Variants in FOXJ3 observed in about 807,000 individuals in gnomAD.
FOXJ3 encodes the protein forkhead box J3.
Under a neutral mutation model 76.1 loss-of-function variants are expected in FOXJ3, and 22 were observed. The ratio of observed to expected loss-of-function variants is 0.29; its 90% confidence interval spans 0.21 to 0.41. The LOEUF is 0.41. Ranked by LOEUF, FOXJ3 falls within the 10% of genes least tolerant of loss-of-function variation. The pLI is 1.00. For missense variants in FOXJ3, 613 were observed against 762.1 expected (o/e 0.80, Z 2.30); for synonymous variants, 269 against 261.2 (o/e 1.03, Z -0.29).
At chr1:42,261,204 T>TAA (rs893191666) in intron 4 of FOXJ3, among the ~76,000 whole-genome samples, 4 of 137,010 alleles carry the variant, frequency 2.9e-5, no homozygotes, top group African/African-American at 5.4e-5. Context: ...CCAAAGAATT[T>TAA]AAAAAAAAAA....
intron 4 of FOXJ3, among the ~76,000 whole-genome samples, chr1:42,234,778 C>T (rs1648459702): frequency 2.0e-5 from 3 of 152,116 alleles, no homozygotes; most frequent in African/African-American, 7.2e-5. Flanking sequence ...CAGAGGAGTA[C>T]CTGGCCGTGT....
intron 1 of FOXJ3, among the ~76,000 whole-genome samples, chr1:42,321,470 T>C (rs1017555715): frequency 6.6e-6 from 1 of 152,114 alleles, no homozygotes; most frequent in Admixed American, 6.5e-5. Context: ...TAATTAGAGA[T>C]CCAGGTCTGG....
intron 11 of FOXJ3, among the ~76,000 whole-genome samples, chr1:42,185,593 C>T (rs1021925400): frequency 6.6e-6 from 1 of 151,996 alleles, no homozygotes; most frequent in African/African-American, 2.4e-5. Context: ...GTAAAAGCTA[C>T]TACAGGGGTC....
intron 8 of FOXJ3, among the ~76,000 whole-genome samples, chr1:42,193,260 A>T (rs1646585059): frequency 6.6e-6 from 1 of 152,126 alleles, no homozygotes; most frequent in Admixed American, 6.5e-5. Flanking sequence ...GCCTCTGAAG[A>T]GAACAATCTG....
intron 3 of FOXJ3, among the ~76,000 whole-genome samples, chr1:42,266,992 T>C (rs141452009): frequency 6.6e-6 from 1 of 151,658 alleles, no homozygotes; most frequent in East Asian, 1.9e-4. Flanking sequence ...CTGGGAGAGG[T>C]ATAGGAAACT....
At chr1:42,262,092 T>C (rs1226399757) in intron 4 of FOXJ3, among the ~76,000 whole-genome samples, 1 of 152,130 alleles carries the variant, frequency 6.6e-6, no homozygotes, top group Admixed American at 6.5e-5. Context: ...ACTCAGCTGG[T>C]GGAATATAAA....
intron 2 of FOXJ3, among the ~76,000 whole-genome samples, chr1:42,300,012 C>T (rs566476214): frequency 7.9e-5 from 12 of 151,676 alleles, no homozygotes; most frequent in African/African-American, 2.9e-4. Context: ...ACCTGCCTGG[C>T]CAATATGGTG....
intron 12 of FOXJ3, 48 bp downstream of exon 12, chr1:42,181,863 GCTCACA>G: frequency 9.1e-7 from 1 of 1,092,956 alleles, no homozygotes; most frequent in Non-Finnish European, 1.4e-6. Context: ...TTCCTGGAGT[GCTCACA>G]CACACACACA....
At chr1:42,252,516 T>G (rs1273446934) in intron 4 of FOXJ3, among the ~76,000 whole-genome samples, 1 of 152,130 alleles carries the variant, frequency 6.6e-6, no homozygotes, top group Non-Finnish European at 1.5e-5. Context: ...TCTCTCTTTT[T>G]TTCTTTATTT....
At chr1:42,250,014 C>T (rs1039045115) in intron 4 of FOXJ3, among the ~76,000 whole-genome samples, 3 of 152,016 alleles carry the variant, frequency 2.0e-5, no homozygotes, top group African/African-American at 7.3e-5. Flanking sequence ...TACAGTATAG[C>T]TTGAATATAA....
chr1:42,316,333 C>CGTTTTTTTTTTTTTTTTTTTTTT (rs1322633444), intron 1 of FOXJ3, among the ~76,000 whole-genome samples: 1 of 73,914 alleles, frequency 1.4e-5, no homozygotes, highest in African/African-American at 4.3e-5. Context: ...TGCATTGGGC[C>CGTTTTTTTTTTTTTTTTTTTTTT]TTTTTTTTTT....
chr1:42,237,101 C>T (rs888204205), intron 4 of FOXJ3, among the ~76,000 whole-genome samples: 34 of 151,630 alleles, frequency 2.2e-4, no homozygotes, highest in African/African-American at 7.0e-4. Flanking sequence ...CTGGGCCAGG[C>T]GTGGTGACTC....
intron 5 of FOXJ3, among the ~76,000 whole-genome samples, chr1:42,209,367 T>G (rs964514270): frequency 6.6e-6 from 1 of 152,218 alleles, no homozygotes; most frequent in Admixed American, 6.5e-5. Context: ...TAAAATCATG[T>G]GTAGAGATTC....
chr1:42,195,114 T>C (rs754360000), intron 7 of FOXJ3, 50 bp from the exon 8 acceptor site: 12 of 1,365,076 alleles, frequency 8.8e-6, no homozygotes, highest in Admixed American at 2.3e-5. Flanking sequence ...CTAATTACAA[T>C]TGGCTTGTTA....
chr1:42,242,873 A>G (rs1294407275), intron 4 of FOXJ3, among the ~76,000 whole-genome samples: 1 of 152,220 alleles, frequency 6.6e-6, no homozygotes, highest in African/African-American at 2.4e-5. Context: ...ATATAATCCA[A>G]AAAGGTTTTC....
intron 4 of FOXJ3, among the ~76,000 whole-genome samples, chr1:42,237,427 T>TATATATATATATACACAC (rs1166082659): frequency 6.2e-5 from 8 of 129,918 alleles, no homozygotes; most frequent in African/African-American, 2.2e-4. Flanking sequence ...TATATATATA[T>TATATATATATATACACAC]ACATACATAC....
At chr1:42,267,466 C>T (rs147616532) in intron 3 of FOXJ3, among the ~76,000 whole-genome samples, 147 of 152,258 alleles carry the variant, frequency 9.7e-4, no homozygotes, top group African/African-American at 3.3e-3. Context: ...TCAATCCCCA[C>T]AAGAACGGCC....
chr1:42,271,820 T>C (rs1406726304), intron 3 of FOXJ3, among the ~76,000 whole-genome samples: 2 of 151,830 alleles, frequency 1.3e-5, no homozygotes, highest in East Asian at 3.9e-4. Context: ...GGCTAATTTC[T>C]TTTTTTATTT....
chr1:42,295,631 C>T (rs1053721947), intron 2 of FOXJ3, among the ~76,000 whole-genome samples: 4 of 148,340 alleles, frequency 2.7e-5, no homozygotes, highest in Middle Eastern at 3.5e-3. Flanking sequence ...CAGGTTCAAG[C>T]GATTCTCCTG....
Sources: allele counts gnomAD v4.1 joint callset (sites outside exome capture counted in the v4.1 genomes callset), GRCh38; gene constraint gnomAD v4.1.1; transcripts MANE v1.5; gene names NCBI Gene and HGNC (gene_info 2026-07-23, HGNC 2026-07-21).